Variants in MSH3 observed in about 807,000 individuals in gnomAD.
MSH3 encodes mutS homolog 3.
MSH3 carries 106 observed loss-of-function variants against 123.3 expected under a neutral mutation model. The observed-to-expected ratio is 0.86, with a 90% confidence interval of 0.73 to 1.01. MSH3 has a LOEUF of 1.01. Ranked by LOEUF, MSH3 falls within the 50% of genes least tolerant of loss-of-function variation. The pLI, the probability that MSH3 is intolerant of heterozygous loss-of-function variation, is 0.00. For missense variants in MSH3, 1,459 were observed against 1,347.6 expected, an observed-to-expected ratio of 1.08 and a Z score of -1.29; for synonymous variants, 515 against 481.4, an observed-to-expected ratio of 1.07 and a Z score of -0.91.
At chr5:80,822,731 A>T (rs1463862463) in intron 20 of MSH3, among the ~76,000 whole-genome samples, 1 of 152,158 alleles carries the variant, frequency 6.6e-6, no homozygotes. Flanking sequence ...GAATCCAGGA[A>T]CCTAGAGGCA....
chr5:80,748,691 TACACACAC>T (rs36206914), intron 12 of MSH3, among the ~76,000 whole-genome samples: 7,906 of 147,394 alleles, frequency 0.054, 483 homozygotes, highest in African/African-American at 0.15. Flanking sequence ...ATTTTTTATT[TACACACAC>T]ACACACACAC....
chr5:80,654,838 C>T lies in MSH3; in HGVS notation c.111C>T (p.Thr37=), dbSNP rs146523896. The change falls in exon 1 of 24, where the codon ACC becomes ACT. Residue 37 remains threonine, a synonymous_variant. Transcript: ENST00000265081. ...AGTCTACGGGAAGCCTGAAATCCAC[C>T]TCCTCCTCCACAGGTGCAGCCGACC... is the stretch of plus-strand genomic sequence containing the variant. ...FFQSTGSLKS[T]SSSTGAADQV... 2.5e-4 allele frequency: 401 copies of T among 1,605,534 alleles called. 1 individual carries two copies. The Middle Eastern group carries it at 4.3e-3, about 17-fold the overall frequency.
chr5:80,869,837 T>C (rs1014516846), intron 22 of MSH3, among the ~76,000 whole-genome samples: 672 of 55,302 alleles, frequency 0.012, 3 homozygotes, highest in Middle Eastern at 0.057. Context: ...TATATACATA[T>C]ATATACACAC....
At chr5:80,701,981 T>C (rs78134043) in intron 8 of MSH3, among the ~76,000 whole-genome samples, 146 of 152,132 alleles carry the variant, frequency 9.6e-4, no homozygotes, top group Middle Eastern at 3.4e-3. Context: ...CTCCCTCCCT[T>C]CTTTTTCTAC....
chr5:80,654,922 G>GCCCCCAGCGCCCCCAGCGCCCCCAGCT lies in MSH3; in HGVS notation c.203_204insGCCCCCAGCGCCCCCAGCTCCCCCAGC (p.Pro69_Ala70insProAlaProProAlaProProAlaPro), dbSNP rs1561428990. On this transcript the variant is annotated inframe_insertion, in exon 1 of 24. Transcript: ENST00000265081. ...CCGCAGCGGCCGCAGCGCCCCCAGC[G>GCCCCCAGCGCCCCCAGCGCCCCCAGCT]CCCCCAGCTCCCGCCTTCCCGCCCC... 2 of 1,521,556 alleles carry GCCCCCAGCGCCCCCAGCGCCCCCAGCT rather than the reference G, an allele frequency of 1.3e-6. No homozygotes were observed. Among genetic ancestry groups the GCCCCCAGCGCCCCCAGCGCCCCCAGCT allele is most frequent in the African/African-American group, 2.9e-5 (2 of 69,696 alleles). 94.3% of individuals were successfully genotyped at this position (1,521,556 alleles called of 1,614,324 possible). A position where few individuals can be genotyped will look rare whatever the true frequency, so the allele number is the denominator to read the frequency against.
At chr5:80,669,327 C>T (rs1749648599) in intron 3 of MSH3, among the ~76,000 whole-genome samples, 1 of 152,054 alleles carries the variant, frequency 6.6e-6, no homozygotes, top group African/African-American at 2.4e-5. Context: ...GTAGGGGGAG[C>T]TGGGTAAATT....
intron 19 of MSH3, among the ~76,000 whole-genome samples, chr5:80,794,134 T>G (rs1744654520): frequency 6.6e-6 from 1 of 152,206 alleles, no homozygotes. Flanking sequence ...AAGACAATTC[T>G]GGGTGATAGA....
chr5:80,804,541 CA>C (rs774159120), intron 19 of MSH3, among the ~76,000 whole-genome samples: 1 of 152,222 alleles, frequency 6.6e-6, no homozygotes, highest in Non-Finnish European at 1.5e-5. Flanking sequence ...TTTGAGTTAC[CA>C]CCTTGGTGGT....
Position 80,828,157 on chromosome 5 carries a change from G to A in MSH3, c.2813+14416G>A, listed in dbSNP as rs546547986. ...TACAGTTCTGTAGACTGGGAAGTCC[G>A]AGGTCAAGGGGCTACATCTGGTATG... On this transcript the variant is annotated intron_variant, in intron 20 of 23. Coordinates refer to ENST00000265081, the MANE Select transcript of MSH3 (RefSeq NM_002439.5). Among the ~76,000 whole-genome samples, 6 of 152,272 alleles carry A rather than the reference G, an allele frequency of 3.9e-5. No individual in the cohort carries two copies. The East Asian group carries it at 7.7e-4, about 20-fold the overall frequency.
chr5:80,678,545 A>T (rs1234782224), intron 7 of MSH3, among the ~76,000 whole-genome samples: 1 of 152,198 alleles, frequency 6.6e-6, no homozygotes, highest in East Asian at 1.9e-4. Context: ...GTTTACAAAT[A>T]ATTCCTGTTT....
chr5:80,734,590 C>T (rs1743468751), intron 10 of MSH3, among the ~76,000 whole-genome samples: 1 of 152,106 alleles, frequency 6.6e-6, no homozygotes, highest in Non-Finnish European at 1.5e-5. Context: ...TAACCAATGC[C>T]TCATGTATTT....
intron 8 of MSH3, among the ~76,000 whole-genome samples, chr5:80,684,944 G>A (rs1467978010): frequency 6.6e-6 from 1 of 151,484 alleles, no homozygotes; most frequent in East Asian, 1.9e-4. Flanking sequence ...TCTTCATTCT[G>A]TTAATATGAT....
intron 8 of MSH3, among the ~76,000 whole-genome samples, chr5:80,686,638 T>C (rs1259418617): frequency 6.6e-6 from 1 of 152,104 alleles, no homozygotes; most frequent in African/African-American, 2.4e-5. Flanking sequence ...ACCTTCTTTG[T>C]TTCCATATTT....
At chr5:80,869,841 T>TACATACACACAC (rs1554077179) in intron 22 of MSH3, among the ~76,000 whole-genome samples, 1 of 132,524 alleles carries the variant, frequency 7.5e-6, no homozygotes, top group Non-Finnish European at 1.6e-5. Flanking sequence ...TACATATATA[T>TACATACACACAC]ACACACACAC....
At chr5:80,787,501 A>G (rs1222404367) in intron 17 of MSH3, 64 bp from the exon 18 acceptor site, 3 of 989,820 alleles carry the variant, frequency 3.0e-6, no homozygotes, top group East Asian at 2.4e-5. Context: ...TGCTTGTTGT[A>G]GAGCTATTAT....
At chr5:80,741,813 T>C (rs1180133900) in intron 11 of MSH3, among the ~76,000 whole-genome samples, 3 of 142,754 alleles carry the variant, frequency 2.1e-5, no homozygotes, top group African/African-American at 5.0e-5. Context: ...TTCTATATCA[T>C]GTAGTTTTTT....
chr5:80,707,573 A>C (rs370477655), intron 8 of MSH3, among the ~76,000 whole-genome samples: 6 of 121,430 alleles, frequency 4.9e-5, no homozygotes, highest in African/African-American at 1.3e-4. Context: ...AAAAAACAAA[A>C]AAACCCCAAA....
At chr5:80,739,172 G>T (rs1743567621) in intron 10 of MSH3, among the ~76,000 whole-genome samples, 1 of 152,194 alleles carries the variant, frequency 6.6e-6, no homozygotes, top group Admixed American at 6.5e-5. Flanking sequence ...GATGGACTTA[G>T]TTAAACCTAA....
intron 8 of MSH3, among the ~76,000 whole-genome samples, chr5:80,692,052 AT>A (rs1750281935): frequency 7.1e-6 from 1 of 141,478 alleles, no homozygotes; most frequent in South Asian, 2.3e-4. Context: ...ATAGATAAAC[AT>A]GTATATGTTT....
Sources: gnomAD v4.1 joint callset for allele counts (sites outside exome capture counted in the v4.1 genomes callset) on GRCh38, gnomAD v4.1.1 for gene constraint, MANE v1.5 for transcripts, NCBI Gene and HGNC (gene_info 2026-07-23, HGNC 2026-07-21) for gene names.